The following FBN2 variants were observed in gnomAD, a reference collection of about 807,000 sequenced individuals.
FBN2 encodes fibrillin 2.
Under a neutral mutation model 355.6 loss-of-function variants are expected in FBN2, and 105 were observed. The observed-to-expected ratio is 0.30, with a 90% CI of 0.25 to 0.35. FBN2 has a LOEUF of 0.35. Among genes scored for constraint, FBN2 ranks in the 10% least tolerant of loss-of-function variants. FBN2 has a pLI of 1.00. For missense variants in FBN2, 3,280 were observed against 3,758.7 expected (o/e 0.87, Z 3.33); for synonymous variants, 1,350 against 1,301.2 (o/e 1.04, Z -0.81).
At chr5:128,332,763 G>A (rs1750727126) in intron 32 of FBN2, 149 bp downstream of exon 32, 4 of 792,004 alleles carry the variant, frequency 5.1e-6, no homozygotes, top group Non-Finnish European at 4.4e-6. Flanking sequence ...AAGGGTAAAG[G>A]ACACCCTTAG....
chr5:128,332,022 T>C lies in FBN2; in HGVS notation c.4222+890A>G, dbSNP rs142661011. Among the ~76,000 whole-genome samples, 1,214 of 152,350 alleles carry C rather than the reference T, an allele frequency of 8.0e-3. 29 individuals are homozygous for C. Among genetic ancestry groups the C allele is most frequent in the African/African-American group, 0.028 (1,149 of 41,578 alleles). The stretch of plus-strand genomic sequence containing the variant: ...TTCACTAAGCCATTGCAGGATGTTA[T>C]TTAGCAGTTATTTGGAAGCTCTGAT... On this transcript the variant is annotated intron_variant, in intron 32 of 64. Transcript: ENST00000262464.
intron 10 of FBN2, 28 bp from the exon 11 acceptor site, chr5:128,392,183 T>G (rs1290745903): frequency 4.4e-6 from 7 of 1,601,612 alleles, no homozygotes; most frequent in Non-Finnish European, 6.0e-6. Flanking sequence ...ACAATTATAT[T>G]TAATCATTAC....
rs538265929 is a variant in FBN2, at chr5:128,291,811, G to A, written c.6167-157C>T. Among the ~76,000 whole-genome samples the A allele has an allele frequency of 1.5e-3, 233 of 152,300 alleles. 1 individual carries two copies. Among genetic ancestry groups the A allele is most frequent in the African/African-American group, 5.4e-3 (226 of 41,576 alleles). On this transcript the variant is annotated intron_variant, in intron 48 of 64. Transcript: ENST00000262464. ...AAAATAAACTATTATTGCTTCAGAA[G>A]TCAAAAGTTGTAATTTCAACCAACC...
intron 46 of FBN2, 64 bp from the exon 47 acceptor site, chr5:128,301,574 C>T (rs1320554073): frequency 9.3e-6 from 14 of 1,506,512 alleles, no homozygotes; most frequent in East Asian, 4.5e-5. Flanking sequence ...TTTCACAAGA[C>T]GCTACTTAAA....
At chr5:128,370,918 T>G (rs1038794883) in intron 15 of FBN2, among the ~76,000 whole-genome samples, 2 of 152,140 alleles carry the variant, frequency 1.3e-5, no homozygotes, top group African/African-American at 4.8e-5. Flanking sequence ...TTCCCAAAGT[T>G]CAGATCCCCA....
chr5:128,280,075 T>C (rs1271417570), intron 56 of FBN2, 117 bp downstream of exon 56: 1 of 815,894 alleles, frequency 1.2e-6, no homozygotes, highest in African/African-American at 1.7e-5. Flanking sequence ...GCATGTGGAT[T>C]ATTGAGATTG....
Position 128,537,450 on chromosome 5 carries a change from C to A in FBN2, c.154G>T (p.Ala52Ser). ...PPPQQVRSATAGSEGGFLAPE... is the reference protein window; with the variant it reads ...PPPQQVRSATSGSEGGFLAPE... ...GCTAGAAACCCGCCTTCAGAGCCTG[C>A]TGTAGCGGACCGAACCTGTTGCGGC... Residue 52 changes from alanine to serine, a missense_variant, in exon 1 of 65, where the codon GCA (alanine) becomes TCA (serine). This residue lies in a region of FBN2 where 203 missense variants were observed against 142.2 expected (regional missense o/e 1.43). Coordinates refer to ENST00000262464, the MANE Select transcript of FBN2 (RefSeq NM_001999.4). The A allele has an allele frequency of 6.2e-7, 1 of 1,607,464 alleles. No homozygotes were observed. Among genetic ancestry groups the A allele is most frequent in the Non-Finnish European group, 8.5e-7 (1 of 1,178,218 alleles).
chr5:128,501,995 C>T (rs1329616328), intron 5 of FBN2, among the ~76,000 whole-genome samples: 2 of 152,114 alleles, frequency 1.3e-5, no homozygotes, highest in Non-Finnish European at 2.9e-5. Flanking sequence ...TGATCACATG[C>T]TTTTCACTAA....
chr5:128,383,479 C>T (rs904396122), intron 11 of FBN2, among the ~76,000 whole-genome samples: 5 of 151,866 alleles, frequency 3.3e-5, no homozygotes, highest in African/African-American at 7.3e-5. Flanking sequence ...AAAGCTTCGT[C>T]GGAATTAAAA....
intron 15 of FBN2, among the ~76,000 whole-genome samples, chr5:128,373,497 A>T (rs1261080888): frequency 6.6e-6 from 1 of 152,138 alleles, no homozygotes; most frequent in Non-Finnish European, 1.5e-5. Context: ...TTTGGGATCC[A>T]TATGTTTTGA....
intron 22 of FBN2, 137 bp downstream of exon 22, chr5:128,349,818 G>T: frequency 1.3e-6 from 1 of 745,396 alleles, no homozygotes; most frequent in Non-Finnish European, 2.3e-6. Context: ...TAAAGCATTT[G>T]TTGATTACAT....
chr5:128,279,288 T>G (rs905592050), intron 56 of FBN2, among the ~76,000 whole-genome samples: 1 of 152,172 alleles, frequency 6.6e-6, no homozygotes. Context: ...TTCAAACACT[T>G]GGACTGAGTA....
chr5:128,408,168 A>C (rs1047512697), intron 8 of FBN2, among the ~76,000 whole-genome samples: 2 of 152,206 alleles, frequency 1.3e-5, no homozygotes, highest in African/African-American at 4.8e-5. Context: ...AGCCTTGCTC[A>C]ATAACAGATT....
rs2127000191 is a variant in FBN2 at position 128,408,809 on chromosome 5, G to A, written c.953-10C>T. ...CTGCACTCATCAATGTCTAATCAAG[G>A]GAAGAAGGAGAAGATGATTGAGAAA... On this transcript the variant is annotated splice_polypyrimidine_tract_variant and intron_variant, in intron 7 of 64. Coordinates refer to ENST00000262464, the MANE Select transcript of FBN2 (RefSeq NM_001999.4). The A allele has an allele frequency of 6.2e-7, 1 of 1,613,754 alleles. No individual in the cohort carries two copies. The highest frequency in any genetic ancestry group is 8.5e-7 in the Non-Finnish European group (1 of 1,179,764).
chr5:128,534,010 GA>G (rs1318789041), intron 2 of FBN2, among the ~76,000 whole-genome samples: 2 of 152,026 alleles, frequency 1.3e-5, no homozygotes, highest in African/African-American at 4.8e-5. Flanking sequence ...TAGGTTTCCA[GA>G]ACTTGGAGAA....
chr5:128,354,292 C>T (rs1012922093), intron 20 of FBN2, among the ~76,000 whole-genome samples: 11 of 152,128 alleles, frequency 7.2e-5, no homozygotes, highest in East Asian at 1.9e-4. Context: ...ATGTGTCTGA[C>T]GCAGGAGCAG....
At chr5:128,422,292 A>C (rs1272758233) in intron 7 of FBN2, among the ~76,000 whole-genome samples, 2 of 152,214 alleles carry the variant, frequency 1.3e-5, no homozygotes, top group Non-Finnish European at 2.9e-5. Flanking sequence ...AAGAAGAAAC[A>C]GAATAAGCAA....
chr5:128,444,025 T>G (rs1488693495), intron 7 of FBN2, among the ~76,000 whole-genome samples: 1 of 150,206 alleles, frequency 6.7e-6, no homozygotes, highest in Admixed American at 6.6e-5. Context: ...TTACATTAAA[T>G]AGTTTTATAT....
chr5:128,464,622 G>T, intron 6 of FBN2, 102 bp downstream of exon 6: 1 of 1,271,428 alleles, frequency 7.9e-7, no homozygotes, highest in South Asian at 1.2e-5. Context: ...TTGGAAATCA[G>T]TATTCTGTTA....
Sources: allele counts gnomAD v4.1 joint callset (sites outside exome capture counted in the v4.1 genomes callset), GRCh38; gene constraint gnomAD v4.1.1; regional missense constraint gnomAD v4.1.1; transcripts MANE v1.5; gene names NCBI Gene and HGNC (gene_info 2026-07-23, HGNC 2026-07-21).